Variants in MDGA2 observed in about 807,000 individuals in gnomAD.
MDGA2 encodes MAM domain-containing glycosylphosphatidylinositol anchor protein 2.
Under a neutral mutation model 117.8 loss-of-function variants are expected in MDGA2, and 40 were observed. The ratio of observed to expected loss-of-function variants is 0.34; its 90% confidence interval spans 0.26 to 0.44. MDGA2 has a LOEUF of 0.44. MDGA2 is among the 20% of genes least tolerant of loss of function. The pLI, the probability that MDGA2 is intolerant of heterozygous loss-of-function variation, is 1.00. For missense variants in MDGA2, 1,123 were observed against 1,250.6 expected (o/e 0.90, Z 1.54); for synonymous variants, 452 against 439.0 (o/e 1.03, Z -0.37).
At chr14:46,974,205 G>A (rs1886370712) in intron 8 of MDGA2, among the ~76,000 whole-genome samples, 1 of 152,074 alleles carries the variant, frequency 6.6e-6, no homozygotes, top group Non-Finnish European at 1.5e-5. Context: ...GGAAACTACA[G>A]AACATTTCTG....
intron 3 of MDGA2, among the ~76,000 whole-genome samples, chr14:47,209,443 A>T (rs1885804540): frequency 6.6e-6 from 1 of 152,252 alleles, no homozygotes; most frequent in Admixed American, 6.5e-5. Context: ...ACTGAGGGAA[A>T]GCTGACAGTT....
rs141958653 is a variant in MDGA2, at chr14:46,946,311, G to A, written c.2089+11063C>T. Among the ~76,000 whole-genome samples the A allele has an allele frequency of 7.0e-3, 1,065 of 151,982 alleles. 11 individuals carry two copies. The highest frequency in any genetic ancestry group is 0.024 in the African/African-American group (1,001 of 41,450). On this transcript the variant is annotated intron_variant, in intron 9 of 16. Transcript: ENST00000399232. ...AACTTTATTGCTTGATTTTACAGCT[G>A]TAATGCCAATTTATATGATAATTAT...
intron 5 of MDGA2, among the ~76,000 whole-genome samples, chr14:47,105,677 C>T (rs555245381): frequency 2.3e-4 from 34 of 151,084 alleles, no homozygotes; most frequent in African/African-American, 7.3e-4. Flanking sequence ...TGCCTGACGT[C>T]CAGGCATTCT....
intron 8 of MDGA2, among the ~76,000 whole-genome samples, chr14:47,023,197 G>GCAAAAAAAA (rs1435992503): frequency 5.3e-4 from 37 of 69,498 alleles, no homozygotes; most frequent in Non-Finnish European, 7.4e-4. Context: ...ATTCCCACTC[G>GCAAAAAAAA]TAAAAAAAAA....
intron 1 of MDGA2, among the ~76,000 whole-genome samples, chr14:47,532,923 C>T (rs1223742129): frequency 1.3e-5 from 2 of 152,218 alleles, no homozygotes; most frequent in Non-Finnish European, 2.9e-5. Flanking sequence ...GCATCTTAGG[C>T]TCCATCCTAT....
intron 1 of MDGA2, among the ~76,000 whole-genome samples, chr14:47,329,992 T>A (rs1419674997): frequency 6.6e-6 from 1 of 152,026 alleles, no homozygotes; most frequent in East Asian, 1.9e-4. Context: ...TCAGGTGTTT[T>A]AATAATATTC....
At chr14:47,213,261 G>A (rs1451588711) in intron 3 of MDGA2, among the ~76,000 whole-genome samples, 3 of 152,072 alleles carry the variant, frequency 2.0e-5, no homozygotes, top group Non-Finnish European at 4.4e-5. Context: ...GCTTTACTCA[G>A]TTGCCTTCTA....
At chr14:47,202,900 C>T (rs1290201718) in intron 3 of MDGA2, among the ~76,000 whole-genome samples, 26 of 149,648 alleles carry the variant, frequency 1.7e-4, no homozygotes. Context: ...TTATATAACA[C>T]ATAGCTAAAT....
intron 1 of MDGA2, among the ~76,000 whole-genome samples, chr14:47,529,631 C>A (rs1895051715): frequency 6.6e-6 from 1 of 152,060 alleles, no homozygotes; most frequent in Admixed American, 6.5e-5. Context: ...TGATCATTAA[C>A]AAAGAACTCT....
chr14:46,994,490 A>G lies in MDGA2; in HGVS notation c.1820-36847T>C, dbSNP rs543242555. On this transcript the variant is annotated intron_variant, in intron 8 of 16. Transcript: ENST00000399232. ...GAAGTGCTTGGATGACAAATTAACT[A>G]AAAGGCAAACATGCACACATACAAA... is the stretch of plus-strand genomic sequence containing the variant. 1.1e-3 allele frequency among the ~76,000 whole-genome samples: 155 copies of G among 144,574 alleles called. 1 individual carries two copies. Among genetic ancestry groups the G allele is most frequent in the African/African-American group, 3.8e-3 (150 of 39,038 alleles). 94.8% of individuals were successfully genotyped at this position (144,574 alleles called of 152,430 possible). A position where few individuals can be genotyped will look rare whatever the true frequency, so the allele number is the denominator to read the frequency against.
rs1169291389 is a variant in MDGA2 at position 47,560,370 on chromosome 14, CTATT to C, written c.280+114143_280+114146del. Among the ~76,000 whole-genome samples, 4 of 152,224 alleles carry C rather than the reference CTATT, an allele frequency of 2.6e-5. No individual in the cohort carries two copies. The East Asian group carries it at 7.7e-4, about 29-fold the overall frequency. On this transcript the variant is annotated intron_variant, in intron 1 of 16. Transcript: ENST00000399232. ...ACAGGCGTTAGCCACCGCGCCCAGC[CTATT>C]TTAGGATTTTTTAATAATAGGCTTT...
chr14:47,120,080 T>C (rs1443006287), intron 5 of MDGA2, among the ~76,000 whole-genome samples: 2 of 152,176 alleles, frequency 1.3e-5, no homozygotes, highest in Non-Finnish European at 2.9e-5. Context: ...CAGTGACGCT[T>C]CACCGGGAAG....
chr14:47,061,066 A>G (rs1291992616), intron 7 of MDGA2, among the ~76,000 whole-genome samples, 183 bp downstream of exon 7: 2 of 152,052 alleles, frequency 1.3e-5, no homozygotes, highest in Non-Finnish European at 2.9e-5. Flanking sequence ...ATGTAAATCT[A>G]AATCAAAACT....
intron 1 of MDGA2, among the ~76,000 whole-genome samples, chr14:47,322,287 T>A (rs1890003160): frequency 6.6e-6 from 1 of 152,126 alleles, no homozygotes; most frequent in South Asian, 2.1e-4. Context: ...TTTCCACATA[T>A]AAAATAACAT....
intron 1 of MDGA2, among the ~76,000 whole-genome samples, chr14:47,607,131 A>G (rs1896757265): frequency 6.6e-6 from 1 of 152,102 alleles, no homozygotes; most frequent in Non-Finnish European, 1.5e-5. Flanking sequence ...ATACCCAAGG[A>G]AAAAAACCTA....
At chr14:47,068,449 A>G (rs1194163779) in intron 6 of MDGA2, among the ~76,000 whole-genome samples, 1 of 147,984 alleles carries the variant, frequency 6.8e-6, no homozygotes, top group Non-Finnish European at 1.5e-5. Flanking sequence ...ATAAATTACC[A>G]AAATGTCTTT....
intron 1 of MDGA2, among the ~76,000 whole-genome samples, chr14:47,663,601 A>G (rs1209522543): frequency 6.6e-6 from 1 of 152,212 alleles, no homozygotes; most frequent in East Asian, 1.9e-4. Flanking sequence ...TGGTGAGCAA[A>G]GTCCCACTCA....
At chr14:47,047,836 T>C (rs560253242) in intron 7 of MDGA2, among the ~76,000 whole-genome samples, 1 of 152,012 alleles carries the variant, frequency 6.6e-6, no homozygotes, top group East Asian at 1.9e-4. Flanking sequence ...TTTATACCTA[T>C]ATAAATAAAT....
At chr14:47,371,806 A>G (rs1261933578) in intron 1 of MDGA2, among the ~76,000 whole-genome samples, 1 of 151,826 alleles carries the variant, frequency 6.6e-6, no homozygotes, top group Non-Finnish European at 1.5e-5. Flanking sequence ...GATTTATGTT[A>G]TAACATCATA....
Sources: gnomAD v4.1 joint callset for allele counts (sites outside exome capture counted in the v4.1 genomes callset) on GRCh38, gnomAD v4.1.1 for gene constraint, MANE v1.5 for transcripts, NCBI Gene and HGNC (gene_info 2026-07-23, HGNC 2026-07-21) for gene names.